The following NCOA7 variants were observed in gnomAD, a reference collection of about 807,000 sequenced individuals.
NCOA7 encodes 140 kDa estrogen receptor-associated protein.
Under a neutral mutation model 104.3 loss-of-function variants are expected in NCOA7, and 45 were observed. That is an observed-to-expected ratio of 0.43 (90% CI 0.34 to 0.55). NCOA7 has a LOEUF of 0.55. NCOA7 is among the 20% of genes least tolerant of loss of function. The probability of loss-of-function intolerance (pLI) is 0.02; values close to 1 mark genes in which losing one functional copy is unlikely to be tolerated. For synonymous variants in NCOA7, 398 were observed against 402.3 expected, an observed-to-expected ratio of 0.99 and a Z score of 0.13; for missense variants, 1,041 against 1,119.7, an observed-to-expected ratio of 0.93 and a Z score of 1.00.
intron 8 of NCOA7, among the ~76,000 whole-genome samples, chr6:125,885,848 G>A (rs188622419): frequency 1.8e-4 from 28 of 152,302 alleles, no homozygotes; most frequent in Middle Eastern, 3.4e-3. Flanking sequence ...GCTGTGAAGA[G>A]GGAGTAATAC....
chr6:125,876,925 CT>C (rs1490405328), intron 4 of NCOA7, among the ~76,000 whole-genome samples: 4 of 152,108 alleles, frequency 2.6e-5, no homozygotes, highest in African/African-American at 9.7e-5. Flanking sequence ...TCTTTAATAA[CT>C]GCAGATTGTT....
intron 10 of NCOA7, chr6:125,899,855 G>A (rs931993660): frequency 1.9e-5 from 7 of 370,410 alleles, no homozygotes; most frequent in Non-Finnish European, 2.5e-5. Context: ...TCACTCTACA[G>A]TCAGACGTAA....
intron 10 of NCOA7, among the ~76,000 whole-genome samples, chr6:125,895,961 A>G (rs553528541): frequency 4.4e-5 from 6 of 137,174 alleles, no homozygotes; most frequent in African/African-American, 1.9e-4. Context: ...TCATATATGT[A>G]TATATGTGTG....
chr6:125,890,312 A>G (rs1029366312), intron 9 of NCOA7, among the ~76,000 whole-genome samples: 1 of 152,180 alleles, frequency 6.6e-6, no homozygotes, highest in African/African-American at 2.4e-5. Context: ...ACTGAATTGC[A>G]TTATGTTATA....
Position 125,889,607 on chromosome 6 carries a change from ATAAAGT to A in NCOA7, c.1558_1563del (p.Val520_Lys521del). 1 of 1,613,824 alleles carries A rather than the reference ATAAAGT, an allele frequency of 6.2e-7. No individual in the cohort carries two copies. Among genetic ancestry groups the A allele is most frequent in the South Asian group, 1.1e-5 (1 of 91,028 alleles). On this transcript the variant is annotated inframe_deletion, in exon 9 of 16. Transcript: ENST00000392477. ...ACACTGAACATACATGAAGATTTAG[ATAAAGT>A]TAAACTCATTGAATATTACCTGACT...
chr6:125,885,295 C>A lies in NCOA7; in HGVS notation c.836C>A (p.Ala279Glu). ...ICPMEEVVSI[A>E]LYNDISHMKI... ...CCCATGGAAGAGGTTGTTTCCATTG[C>A]GCTCTACAATGACATTTCTCACATG... The change falls in exon 8 of 16, where the codon GCG (alanine) becomes GAG (glutamate). Residue 279 changes from alanine to glutamate, a missense_variant. Physicochemically the swap from Ala to Glu is moderately radical, Grantham distance 107 (BLOSUM62 -1). Transcript: ENST00000392477. The A allele has an allele frequency of 1.2e-6, 2 of 1,613,936 alleles. No individual in the cohort carries two copies. The highest frequency in any genetic ancestry group is 1.7e-6 in the Non-Finnish European group (2 of 1,179,896).
intron 2 of NCOA7, among the ~76,000 whole-genome samples, chr6:125,843,614 G>A (rs765891418): frequency 3.3e-5 from 5 of 152,076 alleles, no homozygotes; most frequent in Non-Finnish European, 7.4e-5. Context: ...GCTTATTCTT[G>A]GTTGATAAGC....
At chr6:125,851,503 T>C (rs1348792263) in intron 2 of NCOA7, among the ~76,000 whole-genome samples, 1 of 152,270 alleles carries the variant, frequency 6.6e-6, no homozygotes, top group Non-Finnish European at 1.5e-5. Flanking sequence ...CATCAGTTGA[T>C]GGGCACTTTG....
chr6:125,813,683 C>T (rs1197379497), intron 1 of NCOA7, among the ~76,000 whole-genome samples: 2 of 151,986 alleles, frequency 1.3e-5, no homozygotes, highest in African/African-American at 4.8e-5. Context: ...CTCCTGACCT[C>T]AGGTGATCCA....
At chr6:125,921,364 C>T (rs1380039915) in intron 12 of NCOA7, among the ~76,000 whole-genome samples, 1 of 151,834 alleles carries the variant, frequency 6.6e-6, no homozygotes, top group Non-Finnish European at 1.5e-5. Flanking sequence ...GAGCCAAGAT[C>T]GCACCACTGC....
intron 3 of NCOA7, among the ~76,000 whole-genome samples, chr6:125,870,715 A>G (rs1332005828): frequency 6.6e-6 from 1 of 151,966 alleles, no homozygotes; most frequent in Non-Finnish European, 1.5e-5. Context: ...GAGAGAGGGG[A>G]GTCTTCTTTC....
intron 2 of NCOA7, among the ~76,000 whole-genome samples, chr6:125,839,598 CA>C (rs1779946828): frequency 6.6e-6 from 1 of 152,090 alleles, no homozygotes; most frequent in Admixed American, 6.6e-5. Flanking sequence ...CATGAGAATA[CA>C]AAAGACGCTC....
At chr6:125,861,314 A>C (rs1782031687) in intron 3 of NCOA7, among the ~76,000 whole-genome samples, 2 of 152,088 alleles carry the variant, frequency 1.3e-5, no homozygotes, top group South Asian at 4.1e-4. Context: ...TACACATGTG[A>C]AGATTTCATG....
At chr6:125,820,594 C>A (rs1432083772) in intron 2 of NCOA7, among the ~76,000 whole-genome samples, 4 of 151,836 alleles carry the variant, frequency 2.6e-5, no homozygotes, top group Non-Finnish European at 1.5e-5. Flanking sequence ...AAAATGAAAC[C>A]AAGATGGCTA....
At chr6:125,873,348 T>A in intron 3 of NCOA7, among the ~76,000 whole-genome samples, 1 of 152,246 alleles carries the variant, frequency 6.6e-6, no homozygotes, top group East Asian at 1.9e-4. Flanking sequence ...GTATATAGGT[T>A]TTTATTTTTA....
chr6:125,801,326 C>T (rs1775868469), intron 1 of NCOA7, among the ~76,000 whole-genome samples: 1 of 152,128 alleles, frequency 6.6e-6, no homozygotes, highest in African/African-American at 2.4e-5. Context: ...AACATCCAGG[C>T]CCAGGAGGCA....
chr6:125,882,651 C>T lies in NCOA7; in HGVS notation c.699+100C>T, dbSNP rs945845947. ...AGAGGCTACATTAAAAGATCTTACC[C>T]AAAGTGTCAATTTTAGGTTTGACAA... On this transcript the variant is annotated intron_variant, in intron 7 of 15. Transcript: ENST00000392477. The T allele has an allele frequency of 6.4e-6, 9 of 1,408,938 alleles. No individual in the cohort carries two copies. The African/African-American group carries it at 1.2e-4, about 18-fold the overall frequency. The allele number at this position is 1,408,938 out of a possible 1,614,324, so 87.3% of individuals were successfully genotyped here. A position where few individuals can be genotyped will look rare whatever the true frequency, so the allele number is the denominator to read the frequency against.
chr6:125,847,355 T>C lies in NCOA7; in HGVS notation c.51-7665T>C, dbSNP rs536880824. 8.3e-4 allele frequency among the ~76,000 whole-genome samples: 127 copies of C among 152,358 alleles called. 5 individuals carry two copies. In the South Asian group the frequency reaches 0.026, roughly 31 times the overall value. ...ACTAGGACATGAGTCTAGAAATGTA[T>C]TTCTTACAAGTGAATAATTTTAAGT... On this transcript the variant is annotated intron_variant, in intron 2 of 15. Coordinates refer to ENST00000392477, the MANE Select transcript of NCOA7 (RefSeq NM_181782.5).
chr6:125,813,275 G>A (rs959360261), intron 1 of NCOA7, among the ~76,000 whole-genome samples: 2 of 152,120 alleles, frequency 1.3e-5, no homozygotes, highest in Admixed American at 1.3e-4. Context: ...CACATAGCCA[G>A]CTAGGATTAA....
Sources: gnomAD v4.1 joint callset for allele counts (sites outside exome capture counted in the v4.1 genomes callset) on GRCh38, gnomAD v4.1.1 for gene constraint, MANE v1.5 for transcripts, NCBI Gene and HGNC (gene_info 2026-07-23, HGNC 2026-07-21) for gene names.